The following RAB3GAP1 variants were observed in gnomAD, a reference collection of about 807,000 sequenced individuals.
RAB3GAP1 encodes rab3 GTPase-activating protein catalytic subunit.
A neutral mutation model predicts 130.7 loss-of-function variants in RAB3GAP1; 86 were observed. That is an observed-to-expected ratio of 0.66 (90% CI 0.55 to 0.79). RAB3GAP1 has a LOEUF of 0.79. RAB3GAP1 is among the 30% of genes least tolerant of loss of function. The probability of loss-of-function intolerance (pLI) is 0.00; values close to 1 mark genes in which losing one functional copy is unlikely to be tolerated. For missense variants in RAB3GAP1, 1,029 were observed against 1,169.4 expected, an observed-to-expected ratio of 0.88 and a Z score of 1.75; for synonymous variants, 367 against 401.7, an observed-to-expected ratio of 0.91 and a Z score of 1.03.
chr2:135,169,706 AAC>A lies in RAB3GAP1; in HGVS notation c.*930_*931del. The A allele has an allele frequency of 2.2e-6, 1 of 456,242 alleles. No homozygotes were observed. Among genetic ancestry groups the A allele is most frequent in the Non-Finnish European group, 4.4e-6 (1 of 226,738 alleles). The allele number at this position is 456,242 out of a possible 1,614,324, so 28.3% of individuals were successfully genotyped here. ...AATGCATTGAGTAGAGGATTATTTT[AAC>A]ACACTATTTTGCTTTTGTATTTTAG... On this transcript the variant is annotated 3_prime_UTR_variant, in exon 24 of 24. Transcript: ENST00000264158.
Position 135,127,641 on chromosome 2 carries a change from C to T in RAB3GAP1, c.973+985C>T, listed in dbSNP as rs371153294. On this transcript the variant is annotated intron_variant, in intron 11 of 23. Coordinates refer to ENST00000264158, the MANE Select transcript of RAB3GAP1 (RefSeq NM_012233.3). ...ACAGACGTGAGCCGCCGCACCCGAC[C>T]TGAAGAGCACTGTTTTTGACGGTGC... is the stretch of plus-strand genomic sequence containing the variant. 2.2e-4 allele frequency among the ~76,000 whole-genome samples: 33 copies of T among 152,260 alleles called. No homozygotes were observed. In the South Asian group the frequency reaches 5.8e-3, roughly 27 times the overall value.
rs566083586 is a variant in RAB3GAP1 at position 135,105,600 on chromosome 2, C to T, written c.363-7551C>T. Among the ~76,000 whole-genome samples, 314 of 152,024 alleles carry T rather than the reference C, an allele frequency of 2.1e-3. 2 individuals are homozygous for T. The highest frequency in any genetic ancestry group is 0.014 in the Middle Eastern group (4 of 294). On this transcript the variant is annotated intron_variant, in intron 5 of 23. Coordinates refer to ENST00000264158, the MANE Select transcript of RAB3GAP1 (RefSeq NM_012233.3). ...CTCGCTACAACCTCCACCTCCCAGC[C>T]GCCTGCCTTGGCCTCCCAAAGTGCT...
At chr2:135,077,076 C>T (rs568672805) in intron 3 of RAB3GAP1, among the ~76,000 whole-genome samples, 1 of 152,200 alleles carries the variant, frequency 6.6e-6, no homozygotes, top group East Asian at 1.9e-4. Flanking sequence ...TTGACACCAG[C>T]CTGGCCAACA....
intron 5 of RAB3GAP1, among the ~76,000 whole-genome samples, chr2:135,105,690 C>G (rs999128957): frequency 6.6e-6 from 1 of 152,080 alleles, no homozygotes; most frequent in Non-Finnish European, 1.5e-5. Context: ...TGCCTGGCCG[C>G]CAATCGTCTG....
At chr2:135,108,353 T>G (rs1349352320) in intron 5 of RAB3GAP1, among the ~76,000 whole-genome samples, 1 of 152,176 alleles carries the variant, frequency 6.6e-6, no homozygotes, top group East Asian at 1.9e-4. Context: ...TTGTAGGAAA[T>G]ATAATGATTT....
At chr2:135,082,341 C>A (rs190977003) in intron 3 of RAB3GAP1, among the ~76,000 whole-genome samples, 14 of 152,166 alleles carry the variant, frequency 9.2e-5, no homozygotes, top group African/African-American at 3.4e-4. Context: ...AAGTCACTTA[C>A]CATTTTCCCC....
At chr2:135,139,870 C>T (rs1691787549) in intron 17 of RAB3GAP1, among the ~76,000 whole-genome samples, 1 of 152,018 alleles carries the variant, frequency 6.6e-6, no homozygotes, top group Non-Finnish European at 1.5e-5. Flanking sequence ...CCCAGGATTC[C>T]CCTCCAGCAA....
chr2:135,100,128 C>T (rs552684603), intron 5 of RAB3GAP1, among the ~76,000 whole-genome samples: 18 of 152,246 alleles, frequency 1.2e-4, no homozygotes, highest in Non-Finnish European at 2.5e-4. Flanking sequence ...TTTCCCTGGG[C>T]TGGGTGTACC....
chr2:135,128,109 T>A (rs1160359948), intron 11 of RAB3GAP1, among the ~76,000 whole-genome samples: 2 of 152,250 alleles, frequency 1.3e-5, no homozygotes, highest in Non-Finnish European at 2.9e-5. Context: ...GGGCTCTTTA[T>A]CATTCATATG....
downstream of RAB3GAP1, among the ~76,000 whole-genome samples, chr2:135,173,398 A>G (rs1692913885): frequency 6.6e-6 from 1 of 152,004 alleles, no homozygotes; most frequent in African/African-American, 2.4e-5. Context: ...GGAAAACCAA[A>G]CGTGTGATGT....
At chr2:135,061,142 C>T (rs1157565829) in intron 3 of RAB3GAP1, among the ~76,000 whole-genome samples, 3 of 151,854 alleles carry the variant, frequency 2.0e-5, no homozygotes, top group African/African-American at 7.3e-5. Context: ...TTGTACATAC[C>T]AGAATTTCAT....
intron 3 of RAB3GAP1, among the ~76,000 whole-genome samples, chr2:135,073,975 C>T (rs1189562276): frequency 1.3e-5 from 2 of 152,126 alleles, no homozygotes; most frequent in South Asian, 2.1e-4. Context: ...AGGGACTTCT[C>T]GATGCACTTT....
chr2:135,105,430 C>G (rs1690571330), intron 5 of RAB3GAP1, among the ~76,000 whole-genome samples: 1 of 152,126 alleles, frequency 6.6e-6, no homozygotes, highest in Non-Finnish European at 1.5e-5. Context: ...GACGGGGTTT[C>G]ACTCTGTTGG....
At chr2:135,068,464 A>G (rs1689383295) in intron 3 of RAB3GAP1, among the ~76,000 whole-genome samples, 1 of 152,070 alleles carries the variant, frequency 6.6e-6, no homozygotes, top group South Asian at 2.1e-4. Context: ...TTAAAAAAAA[A>G]AAAAGAGGCT....
intron 3 of RAB3GAP1, among the ~76,000 whole-genome samples, chr2:135,067,216 G>A (rs570414885): frequency 1.3e-5 from 2 of 152,138 alleles, no homozygotes; most frequent in Non-Finnish European, 2.9e-5. Context: ...AGGAGTATAT[G>A]TTTTATCAAA....
At position 135,162,859 on chromosome 2, in the gene RAB3GAP1, T is replaced by G. The variant is rs1363099305; in HGVS notation, c.2490+8T>G. On this transcript the variant is annotated splice_region_variant and intron_variant, in intron 21 of 23. Coordinates refer to ENST00000264158, the MANE Select transcript of RAB3GAP1 (RefSeq NM_012233.3). ...GAAGACAAGAAATTGGAAGTAAGTT[T>G]GATGTAGTGTCAGAATCTTGCCAAG... is the stretch of plus-strand genomic sequence containing the variant. 6.2e-7 allele frequency: 1 copy of G among 1,603,184 alleles called. No homozygotes were observed. The highest frequency in any genetic ancestry group is 1.7e-5 in the Admixed American group (1 of 60,010).
At chr2:135,151,248 G>A (rs1692164222) in intron 18 of RAB3GAP1, among the ~76,000 whole-genome samples, 1 of 152,172 alleles carries the variant, frequency 6.6e-6, no homozygotes, top group Non-Finnish European at 1.5e-5. Context: ...TGGGCTACAG[G>A]GCTTCCTTTC....
chr2:135,116,463 C>T (rs1045818514), intron 7 of RAB3GAP1, among the ~76,000 whole-genome samples: 2 of 152,088 alleles, frequency 1.3e-5, no homozygotes, highest in African/African-American at 4.8e-5. Context: ...AGGCTGGAAG[C>T]AATTCAGATT....
chr2:135,161,980 C>T (rs1386149307), intron 19 of RAB3GAP1, among the ~76,000 whole-genome samples: 1 of 151,832 alleles, frequency 6.6e-6, no homozygotes, highest in African/African-American at 2.4e-5. Flanking sequence ...AAGAATTGTA[C>T]ATATTTATAG....
Sources: allele counts gnomAD v4.1 joint callset (sites outside exome capture counted in the v4.1 genomes callset), GRCh38; gene constraint gnomAD v4.1.1; transcripts MANE v1.5; gene names NCBI Gene and HGNC (gene_info 2026-07-23, HGNC 2026-07-21).